The following FAN1 variants were observed in gnomAD, a reference collection of about 807,000 sequenced individuals.
The protein encoded by FAN1 is FANCD2 and FANCI associated nuclease 1.
In FAN1, 91 loss-of-function variants were observed where a neutral mutation model predicts 104.9. The ratio of observed to expected loss-of-function variants is 0.87; its 90% CI spans 0.73 to 1.03. The LOEUF (loss-of-function observed/expected upper bound fraction) is 1.03. FAN1 is among the 50% of genes least tolerant of loss of function. The pLI is 0.00. For synonymous variants in FAN1, 478 were observed against 457.6 expected (o/e 1.04, Z -0.57); for missense variants, 1,263 against 1,239.9 (o/e 1.02, Z -0.28).
intron 13 of FAN1, among the ~76,000 whole-genome samples, chr15:30,936,531 G>A (rs2062857625): frequency 6.6e-6 from 1 of 152,210 alleles, no homozygotes. Flanking sequence ...CTCATCCTCT[G>A]TGAAGAACTG....
chr15:30,932,130 G>A (rs1027615155), intron 13 of FAN1, among the ~76,000 whole-genome samples: 7 of 150,018 alleles, frequency 4.7e-5, no homozygotes, highest in African/African-American at 1.5e-4. Context: ...GCTGAGGCAG[G>A]AGAATCGCTT....
chr15:30,941,924 G>A lies in FAN1; in HGVS notation c.*362G>A, dbSNP rs376403890. 63 of 1,613,872 alleles carry A rather than the reference G, an allele frequency of 3.9e-5. No individual in the cohort carries two copies. Among genetic ancestry groups the A allele is most frequent in the Admixed American group, 1.7e-4 (10 of 60,006 alleles). ...AAACCATTCTCTAAAATACTGCTCC[G>A]TATCACTGTTCTGGCTGTCGGTTTG... On this transcript the variant is annotated 3_prime_UTR_variant, in exon 15 of 15. Coordinates refer to ENST00000362065, the MANE Select transcript of FAN1 (RefSeq NM_014967.5).
intron 14 of FAN1, chr15:30,941,203 A>G: frequency 4.4e-6 from 6 of 1,366,438 alleles, no homozygotes; most frequent in Non-Finnish European, 5.8e-6. Context: ...GATGGAGACA[A>G]AAATGTAGCA....
chr15:30,937,341 G>T, intron 14 of FAN1, 82 bp downstream of exon 14: 1 of 1,359,294 alleles, frequency 7.4e-7, no homozygotes, highest in Non-Finnish European at 1.0e-6. Context: ...TTTTGTTATC[G>T]TGCATTATAA....
chr15:30,939,969 G>A, intron 14 of FAN1: 1 of 982,220 alleles, frequency 1.0e-6, no homozygotes, highest in Non-Finnish European at 1.2e-6. Flanking sequence ...TATATCCAGA[G>A]ACATTATCAA....
intron 3 of FAN1, 106 bp downstream of exon 3, chr15:30,908,364 G>A: frequency 1.1e-6 from 1 of 879,562 alleles, no homozygotes; most frequent in Non-Finnish European, 1.6e-6. Context: ...GGTGGTGCCT[G>A]GTAACTTACT....
chr15:30,906,039 T>C (rs2061972061), intron 2 of FAN1, 142 bp downstream of exon 2: 3 of 757,200 alleles, frequency 4.0e-6, no homozygotes, highest in East Asian at 2.5e-5. Context: ...TTCATGGGAG[T>C]TGGAGCATAG....
At chr15:30,938,308 TTTATGA>T (rs2062925008) in intron 14 of FAN1, among the ~76,000 whole-genome samples, 1 of 152,222 alleles carries the variant, frequency 6.6e-6, no homozygotes. Context: ...CTGTTAAACT[TTTATGA>T]TTATCTAAGA....
rs1399942742 is a variant in FAN1, at chr15:30,930,595, T to G, written c.2840T>G (p.Leu947Arg). Residue 947 changes from leucine (L) to arginine (R), a missense_variant, in exon 13 of 15, where the codon CTG (leucine) becomes CGG (arginine). By Grantham distance (102) the Leu-to-Arg change is moderately radical. Transcript: ENST00000362065. ...GPVLSGVCRH[L>R]AADFRHCRGG... ...GTGCTCAGTGGTGTGTGCAGGCACC[T>G]GGCTGCTGACTTTCGACACTGTCGA... 6.2e-7 allele frequency: 1 copy of G among 1,613,032 alleles called. No individual in the cohort carries two copies. The highest frequency in any genetic ancestry group is 8.5e-7 in the Non-Finnish European group (1 of 1,179,602).
chr15:30,930,574 T>A lies in FAN1; in HGVS notation c.2819T>A (p.Leu940His), dbSNP rs2062683566. 1 of 1,610,880 alleles carries A rather than the reference T, an allele frequency of 6.2e-7. No individual in the cohort carries two copies. The highest frequency in any genetic ancestry group is 1.3e-5 in the African/African-American group (1 of 74,700). ...DLVSCLGGPV[L>H]SGVCRHLAAD... ...GTCTCCTGCCTGGGGGGCCCTGTGC[T>A]CAGTGGTGTGTGCAGGCACCTGGCT... Residue 940 changes from leucine to histidine, a missense_variant, in exon 13 of 15, where the codon CTC becomes CAC. By Grantham distance (99) the Leu-to-His change is moderately conservative. Coordinates refer to ENST00000362065, the MANE Select transcript of FAN1 (RefSeq NM_014967.5).
chr15:30,925,757 G>A (rs2062445114), intron 9 of FAN1, 32 bp from the exon 10 acceptor site: 1 of 1,612,596 alleles, frequency 6.2e-7, no homozygotes, highest in East Asian at 2.2e-5. Context: ...GCTGACCTGA[G>A]GCTAATAGAT....
chr15:30,913,756 G>T, intron 4 of FAN1, 102 bp from the exon 5 acceptor site: 1 of 789,164 alleles, frequency 1.3e-6, no homozygotes. Flanking sequence ...GTTTAAAATA[G>T]TGAATGTCAT....
intron 4 of FAN1, chr15:30,911,251 T>G: frequency 4.0e-6 from 4 of 989,522 alleles, no homozygotes; most frequent in Non-Finnish European, 4.8e-6. Context: ...TGGCTTCTTT[T>G]GTCCTTGAGA....
At position 30,925,937 on chromosome 15, in the gene FAN1, A is replaced by C. The variant is rs767471529; in HGVS notation, c.2486A>C (p.Gln829Pro). The C allele has an allele frequency of 5.0e-6, 8 of 1,613,942 alleles. No individual in the cohort carries two copies. The African/African-American group carries it at 1.1e-4, about 22-fold the overall frequency. The change falls in exon 10 of 15, where the codon CAG becomes CCG. Residue 829 changes from glutamine (Q) to proline (P), a missense_variant and splice_region_variant. By Grantham distance (76) the Gln-to-Pro change is moderately conservative. This residue lies in a region of FAN1 where 581 missense variants were observed against 668.8 expected (regional missense o/e 0.87). Coordinates refer to ENST00000362065, the MANE Select transcript of FAN1 (RefSeq NM_014967.5). ...CATTACAGACGCAGCGGTTTTGACC[A>C]GGGTAACTGAGCAGGCTTTCTCTTG... ...LAHYRRSGFD[Q>P]GIHGEGSTFS... is the part of the protein sequence containing the mutation.
intron 9 of FAN1, 70 bp downstream of exon 9, chr15:30,925,361 C>T: frequency 1.4e-6 from 2 of 1,408,518 alleles, no homozygotes; most frequent in East Asian, 4.6e-5. Flanking sequence ...CAGAAGCATC[C>T]TAAGAGCTGT....
In FAN1 at chr15:30,905,237, CTGAT is replaced by C. The variant is rs749848190; in HGVS notation, c.579_582del (p.Asp194ThrfsTer27). 2.5e-6 allele frequency: 4 copies of C among 1,613,862 alleles called. No homozygotes were observed. Among genetic ancestry groups the C allele is most frequent in the Non-Finnish European group, 1.7e-6 (2 of 1,179,966 alleles). On this transcript the variant is annotated frameshift_variant, in exon 2 of 15. Coordinates refer to ENST00000362065, the MANE Select transcript of FAN1 (RefSeq NM_014967.5). LOFTEE classifies it high-confidence loss of function. ...TTCCAAATCCACAGTTGTTAAGAGC[CTGAT>C]TGATAACTCTTCAGAAATTGAGGAC...
At chr15:30,908,673 C>A (rs1317737314) in intron 3 of FAN1, among the ~76,000 whole-genome samples, 1 of 142,940 alleles carries the variant, frequency 7.0e-6, no homozygotes, top group Non-Finnish European at 1.5e-5. Flanking sequence ...TGGAGAAACC[C>A]CATCTCTACT....
Position 30,941,791 on chromosome 15 carries a change from G to C in FAN1, c.*229G>C. The C allele has an allele frequency of 6.2e-7, 1 of 1,614,030 alleles. No individual in the cohort carries two copies. The highest frequency in any genetic ancestry group is 8.5e-7 in the Non-Finnish European group (1 of 1,179,890). On this transcript the variant is annotated 3_prime_UTR_variant, in exon 15 of 15. Transcript: ENST00000362065. ...GAAAGGCTGTGATGGAGCCACCCAGGCTGATCTGGGCCTCGGGAACCCAGC... is the reference window on the plus strand; with the variant it reads ...GAAAGGCTGTGATGGAGCCACCCAGCCTGATCTGGGCCTCGGGAACCCAGC...
At chr15:30,932,581 A>T (rs1287060116) in intron 13 of FAN1, among the ~76,000 whole-genome samples, 2 of 152,214 alleles carry the variant, frequency 1.3e-5, no homozygotes, top group East Asian at 3.9e-4. Context: ...TATAAATTAA[A>T]TTTATTTTTA....
Sources: allele counts gnomAD v4.1 joint callset (sites outside exome capture counted in the v4.1 genomes callset), GRCh38; gene constraint gnomAD v4.1.1; regional missense constraint gnomAD v4.1.1; transcripts MANE v1.5; gene names NCBI Gene and HGNC (gene_info 2026-07-23, HGNC 2026-07-21).